The following ALMS1 variants were observed in gnomAD, a reference collection of about 807,000 sequenced individuals.
The protein encoded by ALMS1 is ALMS1 centrosome and basal body associated protein.
Under a neutral mutation model 352.2 loss-of-function variants are expected in ALMS1, and 271 were observed. That is an observed-to-expected ratio of 0.77 (90% CI 0.70 to 0.85). The LOEUF is 0.85. Ranked by LOEUF, ALMS1 falls within the 40% of genes least tolerant of loss-of-function variation. The pLI is 0.00. For synonymous variants in ALMS1, 1,865 were observed against 1,761.2 expected, an observed-to-expected ratio of 1.06 and a Z score of -1.48; for missense variants, 5,445 against 4,870.7, an observed-to-expected ratio of 1.12 and a Z score of -3.51.
Position 73,451,410 on chromosome 2 carries a change from A to G in ALMS1, c.4883A>G (p.Tyr1628Cys), listed in dbSNP as rs375939859. The part of the protein sequence containing the change: ...SALGEKPITF[Y>C]RQALLDSPLN... ...CTTGGAGAGAAGCCCATTACTTTCT[A>G]CCGGCAGGCTCTGCTAGACAGTCCT... Residue 1628 changes from tyrosine (Y) to cysteine (C), a missense_variant, in exon 8 of 23, where the codon TAC becomes TGC. Physicochemically the swap from Tyr to Cys is radical, Grantham distance 194. Transcript: ENST00000613296. The G allele has an allele frequency of 7.4e-6, 12 of 1,613,690 alleles. No individual in the cohort carries two copies. Among genetic ancestry groups the G allele is most frequent in the African/African-American group, 6.7e-5 (5 of 74,812 alleles).
At chr2:73,487,062 A>C (rs923634090) in intron 9 of ALMS1, among the ~76,000 whole-genome samples, 6 of 152,142 alleles carry the variant, frequency 3.9e-5, no homozygotes, top group African/African-American at 1.4e-4. Context: ...AAAGAAGAAG[A>C]GAAAAGAAAG....
At chr2:73,522,183 C>T (rs1457015351) in intron 11 of ALMS1, among the ~76,000 whole-genome samples, 1 of 152,120 alleles carries the variant, frequency 6.6e-6, no homozygotes, top group Non-Finnish European at 1.5e-5. Flanking sequence ...TGTCTCAGGT[C>T]CATCGCCATG....
intron 9 of ALMS1, among the ~76,000 whole-genome samples, chr2:73,488,169 A>C (rs551604984): frequency 1.3e-5 from 2 of 152,022 alleles, no homozygotes; most frequent in Non-Finnish European, 2.9e-5. Flanking sequence ...TACGGTACCC[A>C]TGGCACACCC....
intron 12 of ALMS1, among the ~76,000 whole-genome samples, chr2:73,541,361 A>G (rs964756947): frequency 1.2e-4 from 19 of 152,260 alleles, no homozygotes; most frequent in African/African-American, 4.6e-4. Context: ...TCTCTGGAAC[A>G]CATTCAAAGC....
chr2:73,395,068 A>ATGTGTGTG (rs1670731039), intron 1 of ALMS1, among the ~76,000 whole-genome samples: 2 of 109,960 alleles, frequency 1.8e-5, no homozygotes, highest in Admixed American at 9.1e-5. Flanking sequence ...GTGTATATAT[A>ATGTGTGTG]TATATATATA....
intron 9 of ALMS1, among the ~76,000 whole-genome samples, chr2:73,478,655 CGTTT>C (rs1247209805): frequency 7.8e-5 from 9 of 114,752 alleles, no homozygotes; most frequent in East Asian, 3.3e-4. Context: ...GTAATTTATT[CGTTT>C]ATTTATTTAT....
chr2:73,494,180 A>G (rs1301340954), intron 10 of ALMS1, among the ~76,000 whole-genome samples: 8 of 152,200 alleles, frequency 5.3e-5, no homozygotes, highest in Admixed American at 4.6e-4. Flanking sequence ...CAAAAGCCAC[A>G]GTCTTTTTGT....
chr2:73,489,812 A>G lies in ALMS1; in HGVS notation c.7853A>G (p.Asn2618Ser). 6.2e-7 allele frequency: 1 copy of G among 1,614,142 alleles called. No individual in the cohort carries two copies. Among genetic ancestry groups the G allele is most frequent in the Non-Finnish European group, 8.5e-7 (1 of 1,180,022 alleles). The part of the protein sequence containing the change: ...GPSEMTRGRQ[N>S]PSSCRAKHVN... ...TCAGAAATGACCAGAGGACGGCAGAACCCATCATCATGCAGAGCCAAGCAT... is the reference window on the plus strand; with the variant it reads ...TCAGAAATGACCAGAGGACGGCAGAGCCCATCATCATGCAGAGCCAAGCAT... The change falls in exon 10 of 23, where the codon AAC (asparagine) becomes AGC (serine). Residue 2618 changes from asparagine (N) to serine (S), a missense_variant. Asn to Ser is a conservative substitution (Grantham distance 46). Transcript: ENST00000613296.
intron 15 of ALMS1, among the ~76,000 whole-genome samples, chr2:73,561,607 T>C (rs949330281): frequency 4.7e-5 from 7 of 150,296 alleles, no homozygotes; most frequent in Non-Finnish European, 7.4e-5. Context: ...GTTTAGTAGG[T>C]GTAGGGTTTC....
rs1211232895 is a variant in ALMS1 at position 73,448,855 on chromosome 2, G to A, written c.2328G>A (p.Gln776=). ...AAAAGCCTAGTATTTTGTACCCACA[G>A]GACTTAGCAGACAGTCATCTACCTG... ...QREKPSILYP[Q]DLADSHLPEE... The change falls in exon 8 of 23, where the codon CAG becomes CAA. Residue 776 remains glutamine (Q), a synonymous_variant. Transcript: ENST00000613296. 3 of 1,613,796 alleles carry A rather than the reference G, an allele frequency of 1.9e-6. No individual in the cohort carries two copies. The African/African-American group carries it at 4.0e-5, about 22-fold the overall frequency.
chr2:73,522,467 C>CTTT lies in ALMS1; in HGVS notation c.9781+2470_9781+2472dup, dbSNP rs137919148. 2.6e-4 allele frequency among the ~76,000 whole-genome samples: 28 copies of CTTT among 106,730 alleles called. 1 individual carries two copies. Among genetic ancestry groups the CTTT allele is most frequent in the East Asian group, 1.1e-3 (4 of 3,790 alleles). The allele number at this position is 106,730 out of a possible 152,430, so 70.0% of individuals were successfully genotyped here. ...GTTGTCTCAGACTAAGGTTGAGGTCCTTTTTTTTTTTTTTTTTTTTTGAGA... is the reference window on the plus strand; with the variant it reads ...GTTGTCTCAGACTAAGGTTGAGGTCCTTTTTTTTTTTTTTTTTTTTTTTTGAGA... On this transcript the variant is annotated intron_variant, in intron 11 of 22. Transcript: ENST00000613296.
At position 73,602,420 on chromosome 2, in the gene ALMS1, T is replaced by A. The variant is rs1222401988; in HGVS notation, c.12298+52T>A. The A allele has an allele frequency of 8.1e-6, 13 of 1,603,960 alleles. 1 individual carries two copies. In the Admixed American group the frequency reaches 2.0e-4, roughly 25 times the overall value. On this transcript the variant is annotated intron_variant, in intron 20 of 22. Coordinates refer to ENST00000613296, the MANE Select transcript of ALMS1 (RefSeq NM_001378454.1). Reference sequence around the variant, plus strand: ...TGAGTGGAATAGAGAAGGCAAGGTCTGCTGCTCTGCTGCAGAGCCCTGCTA... The same window carrying A: ...TGAGTGGAATAGAGAAGGCAAGGTCAGCTGCTCTGCTGCAGAGCCCTGCTA...
chr2:73,446,557 T>A (rs1043524602), intron 7 of ALMS1, among the ~76,000 whole-genome samples: 1 of 152,188 alleles, frequency 6.6e-6, no homozygotes, highest in South Asian at 2.1e-4. Context: ...TTGATACTTC[T>A]AGTTCTTTAC....
chr2:73,527,769 T>C (rs1476411476), intron 11 of ALMS1, among the ~76,000 whole-genome samples: 2 of 152,074 alleles, frequency 1.3e-5, no homozygotes, highest in African/African-American at 4.8e-5. Context: ...TGCTCTGATC[T>C]TTATTTCTTT....
At chr2:73,506,438 T>C (rs1289105713) in intron 10 of ALMS1, among the ~76,000 whole-genome samples, 1 of 152,212 alleles carries the variant, frequency 6.6e-6, no homozygotes. Flanking sequence ...GTTTTTCCAT[T>C]TGTTTGTGTC....
chr2:73,552,815 AATATC>A (rs1186477866), intron 13 of ALMS1, among the ~76,000 whole-genome samples: 1 of 152,216 alleles, frequency 6.6e-6, no homozygotes, highest in South Asian at 2.1e-4. Flanking sequence ...GAGCTCATAA[AATATC>A]ATATCATAAG....
At chr2:73,514,837 A>G (rs186215866) in intron 10 of ALMS1, among the ~76,000 whole-genome samples, 1 of 152,336 alleles carries the variant, frequency 6.6e-6, no homozygotes, top group East Asian at 1.9e-4. Context: ...AGCACTTTAA[A>G]GAGCTACTAT....
chr2:73,458,875 C>G (rs1672128201), intron 9 of ALMS1: 1 of 152,158 alleles, frequency 6.6e-6, no homozygotes, highest in African/African-American at 2.4e-5. Flanking sequence ...TGGGTCATCA[C>G]TGTAATTGGG....
In ALMS1 at chr2:73,477,181, T is replaced by C. The variant is rs529482804; in HGVS notation, c.7675-12453T>C. On this transcript the variant is annotated intron_variant, in intron 9 of 22. Coordinates refer to ENST00000613296, the MANE Select transcript of ALMS1 (RefSeq NM_001378454.1). ...TCTCCTTTGAGTCAGTTTTTATGTA[T>C]GGCATGCAAATTCGTCTTTGCATAT... Among the ~76,000 whole-genome samples, 5 of 152,246 alleles carry C rather than the reference T, an allele frequency of 3.3e-5. No homozygotes were observed. The East Asian group carries it at 9.7e-4, about 29-fold the overall frequency.
Sources: allele counts gnomAD v4.1 joint callset (sites outside exome capture counted in the v4.1 genomes callset), GRCh38; gene constraint gnomAD v4.1.1; transcripts MANE v1.5; gene names NCBI Gene and HGNC (gene_info 2026-07-23, HGNC 2026-07-21).